The following PCDH15 variants were observed in gnomAD, a reference collection of about 807,000 sequenced individuals.
PCDH15 encodes protocadherin-15.
PCDH15 carries 129 observed loss-of-function variants against 178.5 expected under a neutral mutation model. That is an observed-to-expected ratio of 0.72 (90% CI 0.63 to 0.84). The LOEUF (loss-of-function observed/expected upper bound fraction) is 0.84. PCDH15 is among the 40% of genes least tolerant of loss of function. The probability of loss-of-function intolerance (pLI) is 0.00; values close to 1 mark genes in which losing one functional copy is unlikely to be tolerated. For synonymous variants in PCDH15, 800 were observed against 732.0 expected (o/e 1.09, Z -1.50); for missense variants, 2,230 against 2,099.9 (o/e 1.06, Z -1.21).
At chr10:54,886,670 G>T (rs1286531508) in intron 3 of PCDH15, among the ~76,000 whole-genome samples, 1 of 152,240 alleles carries the variant, frequency 6.6e-6, no homozygotes, top group East Asian at 1.9e-4. Context: ...GCCTTGGCAG[G>T]AGAATCGCTT....
chr10:53,896,562 C>A (rs1481348483), intron 26 of PCDH15, among the ~76,000 whole-genome samples: 3 of 152,108 alleles, frequency 2.0e-5, no homozygotes, highest in Admixed American at 6.5e-5. Flanking sequence ...TAGTGTAGGA[C>A]AGGGGTCCCC....
intron 29 of PCDH15, among the ~76,000 whole-genome samples, chr10:53,839,202 C>CTAAA (rs2077494377): frequency 1.3e-5 from 1 of 74,618 alleles, no homozygotes; most frequent in East Asian, 3.9e-4. Flanking sequence ...GTCTCCGTCT[C>CTAAA]AAAAAAAAAA....
At chr10:54,289,957 A>C (rs903248989) in intron 8 of PCDH15, among the ~76,000 whole-genome samples, 6 of 152,212 alleles carry the variant, frequency 3.9e-5, no homozygotes, top group Non-Finnish European at 7.3e-5. Flanking sequence ...AATGGAACCA[A>C]GTTGGAAAAC....
intron 1 of PCDH15, among the ~76,000 whole-genome samples, chr10:54,738,010 G>A (rs1304219325): frequency 6.6e-6 from 1 of 152,088 alleles, no homozygotes; most frequent in Non-Finnish European, 1.5e-5. Flanking sequence ...GATAATGGGG[G>A]AGGAGCACTC....
chr10:55,446,691 T>C (rs1256945487), intron 2 of PCDH15, among the ~76,000 whole-genome samples: 1 of 152,132 alleles, frequency 6.6e-6, no homozygotes, highest in South Asian at 2.1e-4. Flanking sequence ...AGTGTGCTAA[T>C]ATTAAGCCTG....
At chr10:54,614,088 A>T (rs1283161464) in intron 2 of PCDH15, among the ~76,000 whole-genome samples, 1 of 152,050 alleles carries the variant, frequency 6.6e-6, no homozygotes, top group Non-Finnish European at 1.5e-5. Context: ...GCATAGCAAC[A>T]TACATGCATA....
intron 3 of PCDH15, among the ~76,000 whole-genome samples, chr10:54,812,803 T>C (rs980486660): frequency 1.3e-5 from 2 of 152,092 alleles, no homozygotes; most frequent in Admixed American, 6.6e-5. Flanking sequence ...TTCACCATAT[T>C]GGCCAGGCTG....
chr10:55,429,588 T>C (rs1322958931), intron 2 of PCDH15, among the ~76,000 whole-genome samples: 1 of 152,202 alleles, frequency 6.6e-6, no homozygotes, highest in Non-Finnish European at 1.5e-5. Context: ...TAATTTTTGA[T>C]GTACTGCAAT....
At chr10:55,234,573 G>A (rs539571468) in intron 1 of PCDH15, among the ~76,000 whole-genome samples, 1 of 151,868 alleles carries the variant, frequency 6.6e-6, no homozygotes, top group South Asian at 2.1e-4. Context: ...TAGAAATGGG[G>A]TCTCACCATG....
intron 1 of PCDH15, among the ~76,000 whole-genome samples, chr10:55,286,167 CT>C (rs1842864697): frequency 6.6e-6 from 1 of 151,698 alleles, no homozygotes; most frequent in Admixed American, 6.6e-5. Flanking sequence ...AAAAATCGGC[CT>C]TTTAAAACTT....
chr10:54,999,493 A>C (rs1246516800), intron 2 of PCDH15, among the ~76,000 whole-genome samples: 1 of 152,156 alleles, frequency 6.6e-6, no homozygotes, highest in Non-Finnish European at 1.5e-5. Context: ...CAAAGTTTTA[A>C]TGTTCAGGAA....
At chr10:54,144,874 G>C (rs932152645) in intron 14 of PCDH15, among the ~76,000 whole-genome samples, 3 of 152,126 alleles carry the variant, frequency 2.0e-5, no homozygotes, top group Non-Finnish European at 4.4e-5. Context: ...AAAATACAAG[G>C]CTTCTGAATT....
At position 55,078,171 on chromosome 10, in the gene PCDH15, T is replaced by C. The variant is rs567771810; in HGVS notation, c.-80+88405A>G. On this transcript the variant is annotated intron_variant, in intron 2 of 5. Coordinates refer to the PCDH15 transcript ENST00000458638. ...CTCTCCTGGCCTGTAATGTTTATGT[T>C]GAGAAGTCCACTATTAGTCTTATGG... Among the ~76,000 whole-genome samples the C allele has an allele frequency of 4.6e-5, 7 of 152,324 alleles. No homozygotes were observed. The South Asian group carries it at 1.2e-3, about 27-fold the overall frequency.
chr10:55,338,507 G>A (rs545686652), intron 2 of PCDH15, among the ~76,000 whole-genome samples: 4 of 152,110 alleles, frequency 2.6e-5, no homozygotes, highest in African/African-American at 9.7e-5. Flanking sequence ...AGTGGCTCAC[G>A]CCTGTATCCC....
chr10:54,770,126 T>C (rs1222057202), intron 1 of PCDH15, among the ~76,000 whole-genome samples: 1 of 152,068 alleles, frequency 6.6e-6, no homozygotes, highest in Non-Finnish European at 1.5e-5. Context: ...CTGAAGAAAG[T>C]TCTATCAGAA....
intron 2 of PCDH15, among the ~76,000 whole-genome samples, chr10:55,027,492 A>G (rs553013947): frequency 3.8e-4 from 58 of 151,972 alleles, no homozygotes; most frequent in Non-Finnish European, 6.8e-4. Flanking sequence ...TTTCTGTCCT[A>G]TGAAAAGTAG....
At chr10:54,399,186 A>G (rs1951620600) in intron 3 of PCDH15, among the ~76,000 whole-genome samples, 1 of 152,008 alleles carries the variant, frequency 6.6e-6, no homozygotes, top group Admixed American at 6.6e-5. Flanking sequence ...TTCAGCCAAA[A>G]CTATGCTACC....
chr10:54,807,393 C>G (rs1358323870), intron 3 of PCDH15, among the ~76,000 whole-genome samples: 1 of 151,870 alleles, frequency 6.6e-6, no homozygotes, highest in African/African-American at 2.4e-5. Flanking sequence ...AAAATATTTC[C>G]AAAAATAAAC....
intron 23 of PCDH15, among the ~76,000 whole-genome samples, chr10:53,949,710 T>C (rs2086858894): frequency 6.6e-6 from 1 of 151,554 alleles, no homozygotes; most frequent in South Asian, 2.1e-4. Context: ...GAAGACAGAA[T>C]GAGATCTTGT....
Sources: allele counts gnomAD v4.1 joint callset (sites outside exome capture counted in the v4.1 genomes callset), GRCh38; gene constraint gnomAD v4.1.1; transcripts MANE v1.5; gene names NCBI Gene and HGNC (gene_info 2026-07-23, HGNC 2026-07-21).